The following SETBP1 variants were observed in gnomAD, a reference collection of about 807,000 sequenced individuals.
SETBP1 encodes the protein SET-binding protein.
SETBP1 carries 9 observed loss-of-function variants against 101.0 expected under a neutral mutation model. The ratio of observed to expected loss-of-function variants is 0.09; its 90% CI spans 0.05 to 0.16. The LOEUF is 0.16. Among genes scored for constraint, SETBP1 ranks in the 10% least tolerant of loss-of-function variants. The pLI is 1.00. For synonymous variants in SETBP1, 818 were observed against 788.5 expected (o/e 1.04, Z -0.63); for missense variants, 1,858 against 2,033.8 (o/e 0.91, Z 1.66).
At chr18:44,967,785 C>T (rs2071752536) in intron 4 of SETBP1, among the ~76,000 whole-genome samples, 1 of 152,150 alleles carries the variant, frequency 6.6e-6, no homozygotes, top group Admixed American at 6.5e-5. Context: ...CTTAGACATT[C>T]CTCCCCCACC....
chr18:44,916,761 C>A (rs1468754752), intron 3 of SETBP1, among the ~76,000 whole-genome samples: 2 of 152,236 alleles, frequency 1.3e-5, no homozygotes, highest in Non-Finnish European at 2.9e-5. Context: ...TTCATTCTGT[C>A]AACCTCAGAC....
chr18:44,922,335 T>C (rs2070601531), intron 3 of SETBP1, among the ~76,000 whole-genome samples: 1 of 152,218 alleles, frequency 6.6e-6, no homozygotes, highest in Admixed American at 6.5e-5. Context: ...GTAGTAACCA[T>C]AGAGCTAGAG....
At chr18:44,995,668 G>A (rs2072483102) in intron 4 of SETBP1, among the ~76,000 whole-genome samples, 1 of 151,940 alleles carries the variant, frequency 6.6e-6, no homozygotes, top group African/African-American at 2.4e-5. Flanking sequence ...TCATGGTTCT[G>A]GAGGCTGGGA....
At chr18:44,989,614 G>T (rs1031928359) in intron 4 of SETBP1, among the ~76,000 whole-genome samples, 4 of 151,568 alleles carry the variant, frequency 2.6e-5, no homozygotes, top group Admixed American at 2.0e-4. Flanking sequence ...TTCCAAACAG[G>T]ATTAAAAAAA....
chr18:45,062,697 C>T (rs554866123), intron 5 of SETBP1, among the ~76,000 whole-genome samples: 2 of 152,206 alleles, frequency 1.3e-5, no homozygotes, highest in Admixed American at 6.5e-5. Context: ...TACAAAATTA[C>T]CTATATAATA....
At chr18:45,049,633 T>C (rs534751976) in intron 5 of SETBP1, among the ~76,000 whole-genome samples, 7 of 152,282 alleles carry the variant, frequency 4.6e-5, no homozygotes, top group Admixed American at 3.9e-4. Flanking sequence ...ATGCCCTGCC[T>C]CCTACCTTTC....
chr18:44,954,398 C>T (rs2071439514), intron 4 of SETBP1, among the ~76,000 whole-genome samples: 1 of 150,484 alleles, frequency 6.6e-6, no homozygotes, highest in Non-Finnish European at 1.5e-5. Context: ...TAAAACCCTC[C>T]AGCCAAAGCC....
In SETBP1 at chr18:44,876,731, C is replaced by T. The variant is rs756879674; in HGVS notation, c.540+7448C>T. On this transcript the variant is annotated intron_variant, in intron 3 of 5. Transcript: ENST00000649279. ...ACTCTTCCTTTTCACAGTGAACCTG[C>T]AGTCTGGGCACAAGAAGTATAACTT... 2.6e-6 allele frequency: 4 copies of T among 1,540,556 alleles called. No homozygotes were observed. The South Asian group carries it at 3.7e-5, about 14-fold the overall frequency.
In SETBP1 at chr18:44,854,148, G is replaced by A. The variant is rs186923679; in HGVS notation, c.487-15082G>A. 1.1e-3 allele frequency among the ~76,000 whole-genome samples: 173 copies of A among 152,012 alleles called. 1 individual carries two copies. Among genetic ancestry groups the A allele is most frequent in the African/African-American group, 3.8e-3 (157 of 41,456 alleles). ...GCTTATATATTATTTGTTCATTGGCGTATCCCCAGAATGCATCACAAGGCC... is the reference window on the plus strand; with the variant it reads ...GCTTATATATTATTTGTTCATTGGCATATCCCCAGAATGCATCACAAGGCC... On this transcript the variant is annotated intron_variant, in intron 2 of 5. Transcript: ENST00000649279.
intron 2 of SETBP1, among the ~76,000 whole-genome samples, chr18:44,787,802 C>G (rs553257256): frequency 8.4e-6 from 1 of 119,376 alleles, no homozygotes; most frequent in South Asian, 3.0e-4. Context: ...TGCAGTGAGC[C>G]GAGATTGCGC....
chr18:44,704,871 A>G (rs1008117077), intron 2 of SETBP1, among the ~76,000 whole-genome samples: 10 of 152,208 alleles, frequency 6.6e-5, no homozygotes, highest in East Asian at 1.9e-4. Flanking sequence ...ATCTATTTTT[A>G]TAAGTTGTAC....
rs1312819866 is a variant in SETBP1, at chr18:44,705,041, A to G, written c.486+3209A>G. Among the ~76,000 whole-genome samples the G allele has an allele frequency of 5.3e-5, 8 of 152,094 alleles. 1 individual carries two copies. The South Asian group carries it at 1.0e-3, about 20-fold the overall frequency. ...TGACTTTGAGCTGCTAGTGATTCCT[A>G]CTAGGGAGTCATCTGAATATATGTG... On this transcript the variant is annotated intron_variant, in intron 2 of 5. Coordinates refer to ENST00000649279, the MANE Select transcript of SETBP1 (RefSeq NM_015559.3).
At chr18:44,993,395 A>G (rs992464912) in intron 4 of SETBP1, among the ~76,000 whole-genome samples, 7 of 152,068 alleles carry the variant, frequency 4.6e-5, no homozygotes, top group African/African-American at 1.7e-4. Context: ...TATGACTACA[A>G]TGACATCCAG....
chr18:44,840,320 C>A (rs574160013), intron 2 of SETBP1, among the ~76,000 whole-genome samples: 1 of 152,234 alleles, frequency 6.6e-6, no homozygotes, highest in Non-Finnish European at 1.5e-5. Context: ...ACCAGCATGA[C>A]TACCCTTGCT....
chr18:44,992,886 A>G (rs1028500237), intron 4 of SETBP1, among the ~76,000 whole-genome samples: 1 of 152,086 alleles, frequency 6.6e-6, no homozygotes, highest in Admixed American at 6.5e-5. Context: ...AAGTGTACCT[A>G]TAAAGATAGA....
chr18:45,035,410 G>A (rs1599477175), intron 4 of SETBP1, among the ~76,000 whole-genome samples: 1 of 152,122 alleles, frequency 6.6e-6, no homozygotes, highest in Non-Finnish European at 1.5e-5. Flanking sequence ...CTAAATTATA[G>A]AATGTTTTAA....
chr18:44,915,309 C>T (rs1404865848), intron 3 of SETBP1, among the ~76,000 whole-genome samples: 1 of 152,134 alleles, frequency 6.6e-6, no homozygotes, highest in African/African-American at 2.4e-5. Context: ...TTTGGTGGCT[C>T]AGGGAAGAAT....
At chr18:45,045,999 A>G (rs1374250726) in intron 5 of SETBP1, among the ~76,000 whole-genome samples, 14 of 152,002 alleles carry the variant, frequency 9.2e-5, no homozygotes, top group Admixed American at 9.2e-4. Context: ...GCCTTCCCTG[A>G]CACTCATATT....
intron 2 of SETBP1, among the ~76,000 whole-genome samples, chr18:44,841,142 G>T (rs2072607551): frequency 6.6e-6 from 1 of 152,164 alleles, no homozygotes; most frequent in Non-Finnish European, 1.5e-5. Context: ...TCCGGCTCAT[G>T]GTCTCATGAA....
Sources: gnomAD v4.1 joint callset for allele counts (sites outside exome capture counted in the v4.1 genomes callset) on GRCh38, gnomAD v4.1.1 for gene constraint, MANE v1.5 for transcripts, NCBI Gene and HGNC (gene_info 2026-07-23, HGNC 2026-07-21) for gene names.